PCSK2: variants seen among roughly 807,000 people sequenced by gnomAD.
The protein encoded by PCSK2 is proprotein convertase subtilisin/kexin type 2.
Under a neutral mutation model 69.7 loss-of-function variants are expected in PCSK2, and 14 were observed. That is an observed-to-expected ratio of 0.20 (90% CI 0.13 to 0.31). PCSK2 has a LOEUF of 0.31. Among genes scored for constraint, PCSK2 ranks in the 10% least tolerant of loss-of-function variants. The pLI, the probability that PCSK2 is intolerant of heterozygous loss-of-function variation, is 1.00. For synonymous variants in PCSK2, 307 were observed against 320.7 expected (o/e 0.96, Z 0.46); for missense variants, 544 against 842.5 (o/e 0.65, Z 4.39).
At chr20:17,250,099 A>T (rs528124446) in intron 1 of PCSK2, among the ~76,000 whole-genome samples, 115 of 152,348 alleles carry the variant, frequency 7.5e-4, no homozygotes, top group African/African-American at 2.7e-3. Flanking sequence ...TTAGGTAAAC[A>T]TAGCAAAATT....
At chr20:17,398,152 A>G (rs1203942000) in intron 5 of PCSK2, among the ~76,000 whole-genome samples, 1 of 152,166 alleles carries the variant, frequency 6.6e-6, no homozygotes, top group Non-Finnish European at 1.5e-5. Flanking sequence ...GTGAGAGAAG[A>G]TTATAACAGG....
intron 10 of PCSK2, 51 bp downstream of exon 10, chr20:17,456,499 C>A (rs372429064): frequency 1.0e-6 from 1 of 968,262 alleles, no homozygotes; most frequent in East Asian, 2.4e-5. Flanking sequence ...TGGACTAACA[C>A]GTGTCTCTCT....
intron 6 of PCSK2, among the ~76,000 whole-genome samples, chr20:17,423,301 A>G (rs2032172418): frequency 6.6e-6 from 1 of 152,136 alleles, no homozygotes. Flanking sequence ...AGATTCAAAG[A>G]TTTTCTGATT....
intron 2 of PCSK2, among the ~76,000 whole-genome samples, chr20:17,356,480 C>T (rs975349873): frequency 7.2e-5 from 11 of 152,172 alleles, no homozygotes; most frequent in East Asian, 1.9e-4. Context: ...AGGATCTAGC[C>T]TTTCACAGGA....
At chr20:17,316,967 A>G (rs1349215361) in intron 2 of PCSK2, among the ~76,000 whole-genome samples, 1 of 152,200 alleles carries the variant, frequency 6.6e-6, no homozygotes. Context: ...TTTCTCTCTC[A>G]GAGAATGCTA....
chr20:17,362,010 G>A (rs1403015287), intron 4 of PCSK2, among the ~76,000 whole-genome samples: 1 of 151,976 alleles, frequency 6.6e-6, no homozygotes, highest in Non-Finnish European at 1.5e-5. Context: ...ATATCCTACT[G>A]GGTATCCCCA....
intron 1 of PCSK2, among the ~76,000 whole-genome samples, chr20:17,255,623 G>A (rs577857680): frequency 6.6e-6 from 1 of 152,148 alleles, no homozygotes; most frequent in Non-Finnish European, 1.5e-5. Flanking sequence ...TTACAGGCGT[G>A]AGCCACCGCA....
chr20:17,365,458 C>G (rs1340260274), intron 4 of PCSK2, among the ~76,000 whole-genome samples: 1 of 152,182 alleles, frequency 6.6e-6, no homozygotes, highest in Non-Finnish European at 1.5e-5. Context: ...CACCACCCCC[C>G]CGAAAATTTG....
Position 17,392,282 on chromosome 20 carries a change from G to A in PCSK2, c.544-16981G>A, listed in dbSNP as rs927794600. Among the ~76,000 whole-genome samples, 88 of 152,154 alleles carry A rather than the reference G, an allele frequency of 5.8e-4. 1 individual carries two copies. The highest frequency in any genetic ancestry group is 5.0e-4 in the Non-Finnish European group (34 of 68,032). The stretch of plus-strand genomic sequence containing the variant: ...GGAAGAACTCACAACCTGCCCAGTG[G>A]TCATTTTAGTCAATTTTGGGGGGAA... On this transcript the variant is annotated intron_variant, in intron 5 of 11. Transcript: ENST00000262545.
rs528939248 is a variant in PCSK2 at position 17,353,179 on chromosome 20, T to C, written c.283-5148T>C. ...GAATTGCTGATTAAAAGTCAAAAAA[T>C]AGGCTGGATGCGGTGGCTCATGCCT... On this transcript the variant is annotated intron_variant, in intron 2 of 11. Transcript: ENST00000262545. 2.6e-5 allele frequency among the ~76,000 whole-genome samples: 4 copies of C among 151,960 alleles called. No homozygotes were observed. In the East Asian group the frequency reaches 7.8e-4, roughly 30 times the overall value.
At chr20:17,446,272 C>T (rs1463605288) in intron 8 of PCSK2, among the ~76,000 whole-genome samples, 2 of 152,164 alleles carry the variant, frequency 1.3e-5, no homozygotes, top group South Asian at 2.1e-4. Context: ...AACACTGAAT[C>T]GAGGTGAGGA....
chr20:17,367,172 C>T (rs2030618923), intron 4 of PCSK2, among the ~76,000 whole-genome samples: 1 of 151,926 alleles, frequency 6.6e-6, no homozygotes, highest in African/African-American at 2.4e-5. Flanking sequence ...AATGAGTTCA[C>T]AAAATTTAAG....
intron 2 of PCSK2, among the ~76,000 whole-genome samples, chr20:17,283,416 T>C (rs967983167): frequency 6.6e-6 from 1 of 152,174 alleles, no homozygotes; most frequent in East Asian, 1.9e-4. Context: ...GGAATCTTAC[T>C]TGGAGCACAT....
At chr20:17,480,207 T>TTTTTTTTTTTTTTTG (rs1600614681) in intron 11 of PCSK2, among the ~76,000 whole-genome samples, 1 of 89,680 alleles carries the variant, frequency 1.1e-5, no homozygotes. Flanking sequence ...TTTTTTTTTT[T>TTTTTTTTTTTTTTTG]GAGGCAGAGT....
At chr20:17,352,687 C>G (rs1344486405) in intron 2 of PCSK2, among the ~76,000 whole-genome samples, 2 of 152,146 alleles carry the variant, frequency 1.3e-5, no homozygotes, top group Admixed American at 6.5e-5. Flanking sequence ...TCACCATATG[C>G]AAGAATGAAC....
intron 2 of PCSK2, among the ~76,000 whole-genome samples, chr20:17,277,557 C>A (rs1988132107): frequency 6.6e-6 from 1 of 152,098 alleles, no homozygotes; most frequent in African/African-American, 2.4e-5. Flanking sequence ...ACACCTTATA[C>A]AAAAATTAAT....
intron 8 of PCSK2, among the ~76,000 whole-genome samples, chr20:17,450,177 C>T (rs1015354988): frequency 2.7e-4 from 41 of 151,828 alleles, no homozygotes; most frequent in Middle Eastern, 3.4e-3. Context: ...TACAGGCGCC[C>T]GCCACCTCGC....
At chr20:17,456,728 G>C (rs1289136230) in intron 10 of PCSK2, among the ~76,000 whole-genome samples, 5 of 152,228 alleles carry the variant, frequency 3.3e-5, no homozygotes, top group Non-Finnish European at 7.3e-5. Context: ...ACCCAGTGAA[G>C]GCACAGAGAT....
intron 10 of PCSK2, among the ~76,000 whole-genome samples, chr20:17,456,663 C>A (rs2032929507): frequency 6.6e-6 from 1 of 152,230 alleles, no homozygotes; most frequent in Admixed American, 6.5e-5. Flanking sequence ...ACCATAAAAC[C>A]ACATTCCTGG....
Sources: allele counts gnomAD v4.1 joint callset (sites outside exome capture counted in the v4.1 genomes callset), GRCh38; gene constraint gnomAD v4.1.1; transcripts MANE v1.5; gene names NCBI Gene and HGNC (gene_info 2026-07-23, HGNC 2026-07-21).